The following CELF4 variants were observed in gnomAD, a reference collection of about 807,000 sequenced individuals.
CELF4 encodes the protein CUG-BP- and ETR-3-like factor 4.
CELF4 carries 18 observed loss-of-function variants against 59.9 expected under a neutral mutation model. The observed-to-expected ratio is 0.30, with a 90% confidence interval of 0.21 to 0.45. CELF4 has a LOEUF of 0.45. CELF4 is among the 20% of genes least tolerant of loss of function. The pLI, the probability that CELF4 is intolerant of heterozygous loss-of-function variation, is 1.00. For synonymous variants in CELF4, 261 were observed against 267.1 expected (o/e 0.98, Z 0.22); for missense variants, 456 against 689.0 (o/e 0.66, Z 3.79).
intron 2 of CELF4, among the ~76,000 whole-genome samples, chr18:37,423,909 T>C (rs2099595559): frequency 6.6e-6 from 1 of 152,046 alleles, no homozygotes; most frequent in Non-Finnish European, 1.5e-5. Flanking sequence ...CCAGACTGGC[T>C]GTACACCATG....
At chr18:37,301,029 G>C (rs1246957976) in intron 3 of CELF4, among the ~76,000 whole-genome samples, 3 of 152,194 alleles carry the variant, frequency 2.0e-5, no homozygotes. Flanking sequence ...ATCTGATTGG[G>C]CCACTGTGTA....
At chr18:37,260,746 AG>A (rs1409243074) in intron 10 of CELF4, among the ~76,000 whole-genome samples, 1 of 152,132 alleles carries the variant, frequency 6.6e-6, no homozygotes, top group Non-Finnish European at 1.5e-5. Flanking sequence ...TCCACAGCCT[AG>A]AACAAAAATT....
chr18:37,260,834 C>G (rs1191059621), intron 10 of CELF4, among the ~76,000 whole-genome samples: 2 of 152,162 alleles, frequency 1.3e-5, no homozygotes, highest in African/African-American at 4.8e-5. Flanking sequence ...CTCTGCCCAC[C>G]CCAGCCCTTC....
At chr18:37,271,392 C>A (rs1237733484) in intron 7 of CELF4, among the ~76,000 whole-genome samples, 4 of 151,782 alleles carry the variant, frequency 2.6e-5, no homozygotes, top group Non-Finnish European at 5.9e-5. Context: ...GTAGCTGGGA[C>A]TACCAGCATG....
At chr18:37,319,319 C>T (rs963723776) in intron 3 of CELF4, among the ~76,000 whole-genome samples, 8 of 152,246 alleles carry the variant, frequency 5.3e-5, no homozygotes, top group African/African-American at 1.9e-4. Flanking sequence ...ACGTGGGCCC[C>T]TCACGCCTGA....
intron 1 of CELF4, among the ~76,000 whole-genome samples, chr18:37,554,739 C>A (rs1236501235): frequency 6.6e-6 from 1 of 152,164 alleles, no homozygotes; most frequent in African/African-American, 2.4e-5. Context: ...GGGTTCTCTC[C>A]TTTTCACTTC....
At chr18:37,401,327 G>A (rs568799933) in intron 2 of CELF4, among the ~76,000 whole-genome samples, 44 of 152,304 alleles carry the variant, frequency 2.9e-4, no homozygotes, top group African/African-American at 1.1e-3. Flanking sequence ...GGCTGTGTCT[G>A]GCAGCTCAGC....
chr18:37,325,390 T>C (rs2097271762), intron 2 of CELF4, among the ~76,000 whole-genome samples: 1 of 152,220 alleles, frequency 6.6e-6, no homozygotes, highest in Non-Finnish European at 1.5e-5. Context: ...AGGATAGAGC[T>C]ATTTCTGAAA....
intron 2 of CELF4, among the ~76,000 whole-genome samples, chr18:37,482,668 A>G (rs1291003618): frequency 6.6e-6 from 1 of 152,062 alleles, no homozygotes; most frequent in African/African-American, 2.4e-5. Flanking sequence ...TCAGGCCTCC[A>G]ATGAAGACAT....
intron 12 of CELF4, among the ~76,000 whole-genome samples, chr18:37,250,768 TCTTAGC>T (rs2065001970): frequency 6.6e-6 from 1 of 152,132 alleles, no homozygotes; most frequent in Non-Finnish European, 1.5e-5. Flanking sequence ...CTCTATCTCT[TCTTAGC>T]AACCGCCTTC....
intron 2 of CELF4, among the ~76,000 whole-genome samples, chr18:37,415,045 G>A (rs935072582): frequency 1.3e-5 from 2 of 152,254 alleles, no homozygotes; most frequent in African/African-American, 4.8e-5. Flanking sequence ...GGAAAGCAGT[G>A]TAAGAGGTAT....
intron 11 of CELF4, 34 bp downstream of exon 11, chr18:37,259,147 C>T (rs553203774): frequency 6.0e-5 from 97 of 1,613,592 alleles, no homozygotes; most frequent in South Asian, 3.4e-4. Context: ...GTTAGTCGCC[C>T]GATCCACAAA....
intron 2 of CELF4, among the ~76,000 whole-genome samples, chr18:37,356,537 T>TAGAGGTGCTGGGGAGGTC (rs1412389364): frequency 4.4e-4 from 65 of 146,906 alleles, no homozygotes; most frequent in African/African-American, 1.7e-3. Flanking sequence ...CTGGGGAGGT[T>TAGAGGTGCTGGGGAGGTC]AGAGGTGCTG....
chr18:37,502,328 A>G (rs554001454), intron 1 of CELF4, among the ~76,000 whole-genome samples: 294 of 152,180 alleles, frequency 1.9e-3, no homozygotes, highest in Non-Finnish European at 3.9e-3. Flanking sequence ...CTGGGAACCG[A>G]CAGCCGCAAA....
At chr18:37,503,839 C>G (rs2099934493) in intron 1 of CELF4, among the ~76,000 whole-genome samples, 1 of 152,170 alleles carries the variant, frequency 6.6e-6, no homozygotes, top group Non-Finnish European at 1.5e-5. Flanking sequence ...TTCAAGGTCC[C>G]TGTTCCATTT....
intron 3 of CELF4, among the ~76,000 whole-genome samples, chr18:37,310,159 C>T (rs947280408): frequency 7.9e-5 from 12 of 152,018 alleles, no homozygotes; most frequent in African/African-American, 2.9e-4. Context: ...TCTCCCGTGG[C>T]AGCTCCGAAG....
intron 2 of CELF4, among the ~76,000 whole-genome samples, chr18:37,464,362 T>G (rs1462255837): frequency 2.0e-5 from 3 of 152,176 alleles, no homozygotes; most frequent in African/African-American, 7.2e-5. Context: ...GCCTTTCTGA[T>G]GCCTCCAGCT....
intron 2 of CELF4, among the ~76,000 whole-genome samples, chr18:37,476,201 T>C (rs944146100): frequency 6.6e-6 from 1 of 152,250 alleles, no homozygotes. Flanking sequence ...CCTGGAAAGG[T>C]TGGGTGGATG....
intron 2 of CELF4, among the ~76,000 whole-genome samples, chr18:37,323,654 G>A (rs1179083201): frequency 1.3e-5 from 2 of 152,132 alleles, no homozygotes; most frequent in Admixed American, 1.3e-4. Context: ...TCCCTTCCCT[G>A]AAACCTGTAG....
Sources: gnomAD v4.1 joint callset for allele counts (sites outside exome capture counted in the v4.1 genomes callset) on GRCh38, gnomAD v4.1.1 for gene constraint, MANE v1.5 for transcripts, NCBI Gene and HGNC (gene_info 2026-07-23, HGNC 2026-07-21) for gene names.